The following DHRSX variants were observed in gnomAD, a reference collection of about 807,000 sequenced individuals.
The protein encoded by DHRSX is polyprenol dehydrogenase.
DHRSX carries 31 observed loss-of-function variants against 34.0 expected under a neutral mutation model. That is an observed-to-expected ratio of 0.91 (90% CI 0.69 to 1.23). The LOEUF is 1.23. DHRSX is among the 50% of genes most tolerant of loss of function. The probability of loss-of-function intolerance (pLI) is 0.00; values close to 1 mark genes in which losing one functional copy is unlikely to be tolerated. For missense variants in DHRSX, 414 were observed against 428.1 expected (o/e 0.97, Z 0.29); for synonymous variants, 201 against 183.8 (o/e 1.09, Z -0.76).
intron 3 of DHRSX, among the ~76,000 whole-genome samples, chrX:2,404,353 G>A (rs1415844883): frequency 2.6e-5 from 4 of 152,158 alleles, no homozygotes; most frequent in Non-Finnish European, 5.9e-5. Context: ...AAAACCTGCT[G>A]CAAATGAGGA....
intron 3 of DHRSX, among the ~76,000 whole-genome samples, chrX:2,307,803 T>TAA (rs1350589353): frequency 2.2e-5 from 3 of 138,108 alleles, no homozygotes; most frequent in Admixed American, 7.1e-5. Context: ...AAAAATAAAA[T>TAA]AAAAAACAAG....
At chrX:2,231,727 A>AT (rs1313323315) in intron 6 of DHRSX, among the ~76,000 whole-genome samples, 7 of 124,054 alleles carry the variant, frequency 5.6e-5, no homozygotes, top group African/African-American at 2.2e-4. Context: ...TTTCTCCTCC[A>AT]TCTTCTCTTC....
chrX:2,399,744 A>AC (rs2043463509), intron 3 of DHRSX, among the ~76,000 whole-genome samples: 2 of 30,494 alleles, frequency 6.6e-5, no homozygotes, highest in African/African-American at 4.1e-4. Flanking sequence ...AAAAAAAAAC[A>AC]AAAAAACACA....
chrX:2,486,321 CA>C (rs1436304716), intron 1 of DHRSX: 2 of 152,020 alleles, frequency 1.3e-5, no homozygotes, highest in Non-Finnish European at 2.9e-5. Flanking sequence ...ACAAGGACCA[CA>C]ACAAAAATAA....
intron 1 of DHRSX, among the ~76,000 whole-genome samples, chrX:2,443,216 T>C (rs1274327820): frequency 2.0e-5 from 3 of 151,844 alleles, no homozygotes; most frequent in Admixed American, 1.3e-4. Context: ...AAATTTTATA[T>C]AGACGGGGGT....
intron 3 of DHRSX, among the ~76,000 whole-genome samples, chrX:2,343,500 A>G (rs1360604518): frequency 2.6e-5 from 4 of 152,116 alleles, no homozygotes; most frequent in Non-Finnish European, 4.4e-5. Context: ...ACAACCAAAC[A>G]CCCTCTTCCA....
At chrX:2,408,683 C>T (rs1286665221) in intron 3 of DHRSX, 62 bp downstream of exon 3, 2 of 1,465,986 alleles carry the variant, frequency 1.4e-6, no homozygotes, top group Non-Finnish European at 1.9e-6. Flanking sequence ...ATGAACCACG[C>T]AAACGACCTG....
At chrX:2,283,736 T>C (rs186728624) in intron 4 of DHRSX, among the ~76,000 whole-genome samples, 47 of 152,374 alleles carry the variant, frequency 3.1e-4, no homozygotes, top group African/African-American at 1.1e-3. Context: ...AATGAACTCA[T>C]TAGAATTCAT....
intron 3 of DHRSX, among the ~76,000 whole-genome samples, chrX:2,394,738 T>C (rs1167345797): frequency 2.6e-5 from 4 of 152,016 alleles, no homozygotes; most frequent in African/African-American, 4.8e-5. Context: ...TGGTGGCACG[T>C]GCCTGTAGTC....
chrX:2,411,807 T>C (rs2043634018), intron 2 of DHRSX, among the ~76,000 whole-genome samples: 1 of 150,960 alleles, frequency 6.6e-6, no homozygotes, highest in Admixed American at 6.6e-5. Flanking sequence ...GATGGGAGCC[T>C]CCACCTTCTC....
chrX:2,437,142 T>C (rs1326365734), intron 1 of DHRSX, among the ~76,000 whole-genome samples: 2 of 152,028 alleles, frequency 1.3e-5, no homozygotes, highest in Admixed American at 6.6e-5. Context: ...GGATTACAGG[T>C]GCCCGCCACC....
At chrX:2,295,826 G>A (rs2041925011) in intron 3 of DHRSX, among the ~76,000 whole-genome samples, 1 of 152,076 alleles carries the variant, frequency 6.6e-6, no homozygotes, top group Admixed American at 6.6e-5. Context: ...ATTTTCACGC[G>A]GTTCCGGCAT....
chrX:2,307,213 G>A (rs779310841), intron 3 of DHRSX, among the ~76,000 whole-genome samples: 10 of 152,132 alleles, frequency 6.6e-5, no homozygotes, highest in South Asian at 2.1e-4. Context: ...ACACAGAAAC[G>A]GAAAATTAAA....
At chrX:2,431,655 C>G (rs1450559533) in intron 1 of DHRSX, among the ~76,000 whole-genome samples, 1 of 152,070 alleles carries the variant, frequency 6.6e-6, no homozygotes, top group Admixed American at 6.6e-5. Flanking sequence ...TAACACAGAA[C>G]CAGGAAACTA....
At chrX:2,404,158 G>A (rs1382290557) in intron 3 of DHRSX, among the ~76,000 whole-genome samples, 7 of 152,172 alleles carry the variant, frequency 4.6e-5, no homozygotes, top group South Asian at 4.1e-4. Context: ...TTGAAGGTGC[G>A]TGGGGATCAT....
intron 6 of DHRSX, among the ~76,000 whole-genome samples, chrX:2,223,201 G>C (rs2015560164): frequency 6.6e-6 from 1 of 152,136 alleles, no homozygotes; most frequent in Non-Finnish European, 1.5e-5. Flanking sequence ...GGAGGTAATT[G>C]AATCATGGGA....
chrX:2,422,513 G>A (rs1429793017), intron 2 of DHRSX, among the ~76,000 whole-genome samples: 3 of 152,088 alleles, frequency 2.0e-5, no homozygotes, highest in Non-Finnish European at 2.9e-5. Flanking sequence ...TGCCCGCCTC[G>A]GCTTCCTAAA....
At chrX:2,232,861 C>T (rs904771549) in intron 6 of DHRSX, among the ~76,000 whole-genome samples, 2 of 152,044 alleles carry the variant, frequency 1.3e-5, no homozygotes, top group Admixed American at 6.6e-5. Context: ...CATGAGCCAT[C>T]GTGCCCGACC....
intron 1 of DHRSX, among the ~76,000 whole-genome samples, chrX:2,477,035 T>A (rs2044690625): frequency 6.6e-6 from 1 of 152,086 alleles, no homozygotes; most frequent in African/African-American, 2.4e-5. Flanking sequence ...AAACACCACA[T>A]GTGCTGCTAT....
Sources: allele counts gnomAD v4.1 joint callset (sites outside exome capture counted in the v4.1 genomes callset), GRCh38; gene constraint gnomAD v4.1.1; transcripts MANE v1.5; gene names NCBI Gene and HGNC (gene_info 2026-07-23, HGNC 2026-07-21).